Variants in KCTD19 observed in about 807,000 individuals in gnomAD.
The protein encoded by KCTD19 is BTB/POZ domain-containing protein KCTD19.
A neutral mutation model predicts 103.5 loss-of-function variants in KCTD19; 67 were observed. The ratio of observed to expected loss-of-function variants is 0.65; its 90% CI spans 0.53 to 0.79. KCTD19 has a LOEUF of 0.79. KCTD19 is among the 30% of genes least tolerant of loss of function. KCTD19 has a pLI of 0.00. For synonymous variants in KCTD19, 439 were observed against 452.2 expected, an observed-to-expected ratio of 0.97 and a Z score of 0.37; for missense variants, 980 against 1,136.1, an observed-to-expected ratio of 0.86 and a Z score of 1.98.
chr16:67,291,294 G>T lies in KCTD19; in HGVS notation c.2565+15C>A. 1 of 1,610,742 alleles carries T rather than the reference G, an allele frequency of 6.2e-7. No homozygotes were observed. Among genetic ancestry groups the T allele is most frequent in the South Asian group, 1.1e-5 (1 of 90,736 alleles). On this transcript the variant is annotated intron_variant, in intron 14 of 15. Transcript: ENST00000304372. ...GGTACAGGGTGCCCCAGGGCCTGAG[G>T]CCTGTCACACATACCCACAGCCGAT...
chr16:67,324,727 A>G (rs140226116), intron 1 of KCTD19, among the ~76,000 whole-genome samples: 88 of 152,334 alleles, frequency 5.8e-4, no homozygotes, highest in African/African-American at 2.0e-3. Context: ...AATGCATGCA[A>G]GAAAGAATGG....
At chr16:67,290,456 G>A (rs1356818400) in intron 15 of KCTD19, among the ~76,000 whole-genome samples, 1 of 152,124 alleles carries the variant, frequency 6.6e-6, no homozygotes, top group Non-Finnish European at 1.5e-5. Context: ...GGGATTACAG[G>A]CGTGAGCCAC....
chr16:67,303,989 T>C lies in KCTD19; in HGVS notation c.451+432A>G, dbSNP rs892050334. On this transcript the variant is annotated intron_variant, in intron 3 of 15. Coordinates refer to ENST00000304372, the MANE Select transcript of KCTD19 (RefSeq NM_001100915.3). This position sits in a 1 kb window ranked among gnomAD's most constrained non-coding sequence, Gnocchi z 4.3. The stretch of plus-strand genomic sequence containing the variant: ...CACAGTGATCCACAGACAAAATAGA[T>C]GCTTTTGACACTCCTGGAAGCTAAA... Among the ~76,000 whole-genome samples, 1 of 152,220 alleles carries C rather than the reference T, an allele frequency of 6.6e-6. No individual in the cohort carries two copies. The highest frequency in any genetic ancestry group is 1.5e-5 in the Non-Finnish European group (1 of 68,040).
chr16:67,318,709 A>G (rs1270423860), intron 2 of KCTD19, among the ~76,000 whole-genome samples: 2 of 151,904 alleles, frequency 1.3e-5, no homozygotes, highest in African/African-American at 2.4e-5. Flanking sequence ...TTGATCTCTG[A>G]TTTTCTGCAA....
intron 1 of KCTD19, chr16:67,325,853 TTC>T (rs1318353766): frequency 6.6e-6 from 1 of 151,944 alleles, no homozygotes; most frequent in Non-Finnish European, 1.5e-5. Context: ...TACAAAGAGC[TTC>T]TCTCTTTCCC....
At chr16:67,310,092 T>C (rs2036934421) in intron 2 of KCTD19, among the ~76,000 whole-genome samples, 1 of 152,186 alleles carries the variant, frequency 6.6e-6, no homozygotes, top group Non-Finnish European at 1.5e-5. Flanking sequence ...TGTCAACCAA[T>C]ACTTGCTCTG....
At position 67,323,083 on chromosome 16, in the gene KCTD19, C is replaced by T. The variant is rs1226192168; in HGVS notation, c.4-2198G>A. ...AAGTGTCGACAAAGAAACCAGAACC[C>T]CCATGCACTGCTGGTGGAGGTGTAA... On this transcript the variant is annotated intron_variant, in intron 1 of 15. Transcript: ENST00000304372. The surrounding 1 kb of genome is among the most constrained non-coding windows in gnomAD (Gnocchi z 4.1). 6.6e-6 allele frequency among the ~76,000 whole-genome samples: 1 copy of T among 152,140 alleles called. No homozygotes were observed. Among genetic ancestry groups the T allele is most frequent in the Non-Finnish European group, 1.5e-5 (1 of 68,022 alleles).
At chr16:67,314,874 G>GAGAGAGAGAGAGAGA (rs1491336436) in intron 2 of KCTD19, among the ~76,000 whole-genome samples, 8 of 119,326 alleles carry the variant, frequency 6.7e-5, no homozygotes, top group African/African-American at 3.5e-4. Flanking sequence ...GAGAGAGAGA[G>GAGAGAGAGAGAGAGA]GGGAAGGGTC....
At chr16:67,314,830 T>TATATAGAGAGAGAG (rs1430877802) in intron 2 of KCTD19, among the ~76,000 whole-genome samples, 1 of 33,652 alleles carries the variant, frequency 3.0e-5, no homozygotes. Context: ...TATATATATA[T>TATATAGAGAGAGAG]AGAGAGAGAG....
intron 14 of KCTD19, 36 bp downstream of exon 14, chr16:67,291,273 C>T: frequency 6.2e-7 from 1 of 1,600,460 alleles, no homozygotes; most frequent in East Asian, 2.2e-5. Context: ...GGAGAAGGTA[C>T]AGGGTGCCCC....
chr16:67,295,152 G>A (rs921405095), intron 9 of KCTD19, 96 bp from the exon 10 acceptor site: 84 of 1,562,770 alleles, frequency 5.4e-5, no homozygotes, highest in Non-Finnish European at 6.9e-5. Flanking sequence ...CAGTTCCCAC[G>A]ATGGAAATAA....
chr16:67,325,087 G>C (rs556839207), intron 1 of KCTD19, among the ~76,000 whole-genome samples: 1 of 152,152 alleles, frequency 6.6e-6, no homozygotes, highest in Non-Finnish European at 1.5e-5. Context: ...GAGCTCAATG[G>C]GGGTGCTCAG....
chr16:67,289,508 C>T lies in KCTD19; in HGVS notation c.*61G>A. On this transcript the variant is annotated 3_prime_UTR_variant, in exon 16 of 16. Transcript: ENST00000304372. Reference sequence around the variant, plus strand: ...CTCTGATGGGCACATGCATTCTGGGCTATCTCCAATTAAAATGAGACTTGG... The same window carrying T: ...CTCTGATGGGCACATGCATTCTGGGTTATCTCCAATTAAAATGAGACTTGG... 3 of 966,538 alleles carry T rather than the reference C, an allele frequency of 3.1e-6. No individual in the cohort carries two copies. In the South Asian group the frequency reaches 3.9e-5, roughly 13 times the overall value. The allele number at this position is 966,538 out of a possible 1,614,324, so 59.9% of individuals were successfully genotyped here.
chr16:67,291,110 C>T lies in KCTD19; in HGVS notation c.2566-124G>A, dbSNP rs2036686282. 6.6e-6 allele frequency: 8 copies of T among 1,204,580 alleles called. No homozygotes were observed. The East Asian group carries it at 2.0e-4, about 31-fold the overall frequency. The allele number at this position is 1,204,580 out of a possible 1,614,324, so 74.6% of individuals were successfully genotyped here. The stretch of plus-strand genomic sequence containing the variant: ...GGGTAGGGGGCGGGCACTGTCACTG[C>T]AAATCTGCCTCTTGGCCGAGGCTCA... On this transcript the variant is annotated intron_variant, in intron 14 of 15. Transcript: ENST00000304372.
chr16:67,314,568 T>TTTTA (rs953140420), intron 2 of KCTD19, among the ~76,000 whole-genome samples: 2 of 151,526 alleles, frequency 1.3e-5, no homozygotes, highest in Non-Finnish European at 2.9e-5. Context: ...TATGGTGCCA[T>TTTTA]TTTATTTATT....
At chr16:67,304,336 T>C in intron 3 of KCTD19, 85 bp downstream of exon 3, 1 of 1,355,016 alleles carries the variant, frequency 7.4e-7, no homozygotes, top group South Asian at 1.2e-5. Flanking sequence ...CACTCTCTGC[T>C]CTCTGGATGG....
chr16:67,306,808 CT>C (rs1416059406), intron 2 of KCTD19, among the ~76,000 whole-genome samples: 1 of 152,198 alleles, frequency 6.6e-6, no homozygotes, highest in Admixed American at 6.5e-5. Flanking sequence ...CTCAGCATAT[CT>C]GGGGTAAATT....
chr16:67,318,761 T>G (rs1470945723), intron 2 of KCTD19, among the ~76,000 whole-genome samples: 3 of 151,968 alleles, frequency 2.0e-5, no homozygotes, highest in African/African-American at 7.3e-5. Flanking sequence ...AATGATGCCT[T>G]GGCGTAGAGT....
rs1274028940 is a variant in KCTD19, at chr16:67,293,758, C to T, written c.2004G>A (p.Leu668=). 1 of 1,613,954 alleles carries T rather than the reference C, an allele frequency of 6.2e-7. No homozygotes were observed. The highest frequency in any genetic ancestry group is 1.7e-5 in the Admixed American group (1 of 60,014). Residue 668 remains leucine, a synonymous_variant, in exon 12 of 16, where the codon CTG becomes CTA. Coordinates refer to ENST00000304372, the MANE Select transcript of KCTD19 (RefSeq NM_001100915.3). This position sits in a 1 kb window ranked among gnomAD's most constrained non-coding sequence, Gnocchi z 4.0. The part of the protein sequence containing the change: ...TRSSPLEEAT[L]QLPLGSEAAS... ...CAGCCTCGCTTCCCAAGGGGAGCTG[C>T]AGGGTGGCCTCCTCCAAGGGGCTGC...
Sources: allele counts gnomAD v4.1 joint callset (sites outside exome capture counted in the v4.1 genomes callset), GRCh38; gene constraint gnomAD v4.1.1; non-coding constraint Gnocchi (gnomAD v3.1); transcripts MANE v1.5; gene names NCBI Gene and HGNC (gene_info 2026-07-23, HGNC 2026-07-21).